FLT3: variants seen among roughly 807,000 people sequenced by gnomAD.
The protein encoded by FLT3 is receptor-type tyrosine-protein kinase FLT3.
FLT3 carries 46 observed loss-of-function variants against 126.6 expected under a neutral mutation model. The ratio of observed to expected loss-of-function variants is 0.36; its 90% CI spans 0.29 to 0.46. The LOEUF is 0.46. Ranked by LOEUF, FLT3 falls within the 20% of genes least tolerant of loss-of-function variation. The probability of loss-of-function intolerance (pLI) is 1.00; values close to 1 mark genes in which losing one functional copy is unlikely to be tolerated. For missense variants in FLT3, 1,069 were observed against 1,190.3 expected (o/e 0.90, Z 1.50); for synonymous variants, 404 against 434.4 (o/e 0.93, Z 0.87).
chr13:28,019,212 C>T lies in FLT3; in HGVS notation c.2419-623G>A, dbSNP rs545454449. Among the ~76,000 whole-genome samples the T allele has an allele frequency of 7.2e-5, 11 of 152,248 alleles. No individual in the cohort carries two copies. The South Asian group carries it at 2.3e-3, about 32-fold the overall frequency. ...GAACTCCTGACCTCAGGTGATCCACCCACCTCGGCCTCCCAAAATGCTGGG... is the reference window on the plus strand; with the variant it reads ...GAACTCCTGACCTCAGGTGATCCACTCACCTCGGCCTCCCAAAATGCTGGG... On this transcript the variant is annotated intron_variant, in intron 19 of 23. Transcript: ENST00000241453.
At chr13:28,057,263 C>G in intron 4 of FLT3, 84 bp downstream of exon 4, 1 of 744,396 alleles carries the variant, frequency 1.3e-6, no homozygotes, top group South Asian at 1.4e-5. Flanking sequence ...TCTAGAGGAG[C>G]TGGTCAAGCT....
At chr13:28,045,588 G>A (rs1045963720) in intron 9 of FLT3, among the ~76,000 whole-genome samples, 1 of 152,078 alleles carries the variant, frequency 6.6e-6, no homozygotes, top group Non-Finnish European at 1.5e-5. Flanking sequence ...GGCCAGGCGC[G>A]GTGGCTCACG....
At chr13:28,090,449 T>G (rs1162505023) in intron 1 of FLT3, among the ~76,000 whole-genome samples, 1 of 152,156 alleles carries the variant, frequency 6.6e-6, no homozygotes, top group Non-Finnish European at 1.5e-5. Flanking sequence ...GGATGAAATT[T>G]ACTGTATGAA....
intron 1 of FLT3, among the ~76,000 whole-genome samples, chr13:28,093,753 CATATT>C (rs1464191596): frequency 1.6e-4 from 25 of 152,274 alleles, no homozygotes; most frequent in Non-Finnish European, 5.9e-5. Flanking sequence ...AGCCACTGTG[CATATT>C]TCTAAAACTC....
At chr13:28,065,171 A>G (rs570896248) in intron 2 of FLT3, among the ~76,000 whole-genome samples, 1 of 152,366 alleles carries the variant, frequency 6.6e-6, no homozygotes, top group African/African-American at 2.4e-5. Context: ...CACAATAAAT[A>G]CTGGAATAAT....
chr13:28,090,054 T>G (rs1464463980), intron 1 of FLT3, among the ~76,000 whole-genome samples: 1 of 151,786 alleles, frequency 6.6e-6, no homozygotes, highest in Non-Finnish European at 1.5e-5. Flanking sequence ...AGGGAACTTT[T>G]TTTTTAGATG....
intron 23 of FLT3, among the ~76,000 whole-genome samples, chr13:28,007,864 A>T (rs1390811688): frequency 2.0e-5 from 3 of 152,222 alleles, no homozygotes; most frequent in Non-Finnish European, 4.4e-5. Flanking sequence ...TTACATTATT[A>T]GTTCAAAAAA....
chr13:28,044,748 A>G (rs1451293434), intron 9 of FLT3, among the ~76,000 whole-genome samples: 1 of 152,160 alleles, frequency 6.6e-6, no homozygotes, highest in Non-Finnish European at 1.5e-5. Flanking sequence ...GCTCTTCAAG[A>G]ACTTTCAAAT....
intron 12 of FLT3, among the ~76,000 whole-genome samples, chr13:28,034,958 C>T (rs1351966680): frequency 7.1e-6 from 1 of 140,386 alleles, no homozygotes; most frequent in East Asian, 2.1e-4. Flanking sequence ...AAAAAAAATG[C>T]ATGGATTTAA....
At chr13:28,053,944 G>C (rs1343034338) in intron 4 of FLT3, among the ~76,000 whole-genome samples, 1 of 151,968 alleles carries the variant, frequency 6.6e-6, no homozygotes, top group African/African-American at 2.4e-5. Context: ...AACCTCCCAG[G>C]CTCAAGTGAT....
chr13:28,027,689 T>G (rs1407577299), intron 16 of FLT3, among the ~76,000 whole-genome samples: 1 of 152,230 alleles, frequency 6.6e-6, no homozygotes, highest in Non-Finnish European at 1.5e-5. Context: ...GCAGAAAGAA[T>G]GAACCTTGGG....
At chr13:28,057,277 G>T in intron 4 of FLT3, 70 bp downstream of exon 4, 1 of 781,872 alleles carries the variant, frequency 1.3e-6, no homozygotes, top group South Asian at 1.4e-5. Context: ...TCAAGCTAAC[G>T]GGTTCTAAAC....
intron 3 of FLT3, among the ~76,000 whole-genome samples, chr13:28,059,315 G>T (rs1206805578): frequency 6.6e-6 from 1 of 152,142 alleles, no homozygotes; most frequent in East Asian, 1.9e-4. Context: ...CTACACCTAA[G>T]GGACAACAGG....
rs1369726273 is a variant in FLT3, at chr13:28,003,992, T to C, written c.*60A>G. The C allele has an allele frequency of 6.3e-7, 1 of 1,584,424 alleles. No individual in the cohort carries two copies. The highest frequency in any genetic ancestry group is 2.2e-5 in the East Asian group (1 of 44,508). ...AGTGATGAAATTAATCTTGTTTTGGTAATCTACAGCCTGTTAGGGATAGGT... is the reference window on the plus strand; with the variant it reads ...AGTGATGAAATTAATCTTGTTTTGGCAATCTACAGCCTGTTAGGGATAGGT... On this transcript the variant is annotated 3_prime_UTR_variant, in exon 24 of 24. Transcript: ENST00000241453.
chr13:28,066,825 G>A (rs1397497579), intron 2 of FLT3, among the ~76,000 whole-genome samples: 3 of 152,086 alleles, frequency 2.0e-5, no homozygotes, highest in Non-Finnish European at 4.4e-5. Context: ...AAAATCAGTA[G>A]GTGAAAATTA....
At chr13:28,009,263 G>C (rs147168630) in intron 23 of FLT3, 1 of 152,098 alleles carries the variant, frequency 6.6e-6, no homozygotes, top group Non-Finnish European at 1.5e-5. Context: ...TATGTGTTAC[G>C]TTTCTATCTC....
chr13:28,077,111 GAGAA>G (rs1566101047), intron 1 of FLT3, among the ~76,000 whole-genome samples: 3 of 69,458 alleles, frequency 4.3e-5, no homozygotes, highest in Non-Finnish European at 8.0e-5. Context: ...GAAAGAGAGA[GAGAA>G]AGAAAGAGAA....
intron 2 of FLT3, among the ~76,000 whole-genome samples, chr13:28,070,207 C>G (rs761364361): frequency 1.2e-4 from 18 of 152,154 alleles, no homozygotes; most frequent in Non-Finnish European, 2.4e-4. Context: ...TAGTGAGAGT[C>G]TTGGAACCAT....
chr13:28,006,070 C>A (rs1303724835), intron 23 of FLT3, among the ~76,000 whole-genome samples: 1 of 152,024 alleles, frequency 6.6e-6, no homozygotes, highest in Non-Finnish European at 1.5e-5. Flanking sequence ...ACCAAACTAA[C>A]CAACATAGCA....
Sources: gnomAD v4.1 joint callset for allele counts (sites outside exome capture counted in the v4.1 genomes callset) on GRCh38, gnomAD v4.1.1 for gene constraint, MANE v1.5 for transcripts, NCBI Gene and HGNC (gene_info 2026-07-23, HGNC 2026-07-21) for gene names.